Variants in SLC24A2 observed in about 807,000 individuals in gnomAD.
The protein encoded by SLC24A2 is solute carrier family 24 member 2.
In SLC24A2, 36 loss-of-function variants were observed where a neutral mutation model predicts 62.0. That is an observed-to-expected ratio of 0.58 (90% confidence interval 0.44 to 0.77). The LOEUF is 0.77. SLC24A2 is among the 30% of genes least tolerant of loss of function. SLC24A2 has a pLI of 0.00. For missense variants in SLC24A2, 846 were observed against 817.9 expected (o/e 1.03, Z -0.42); for synonymous variants, 358 against 294.0 (o/e 1.22, Z -2.23).
At chr9:19,663,377 G>A (rs1323647673) in intron 2 of SLC24A2, among the ~76,000 whole-genome samples, 4 of 152,186 alleles carry the variant, frequency 2.6e-5, no homozygotes, top group African/African-American at 9.7e-5. Flanking sequence ...TAGCTCAGGG[G>A]TAGTCTCTAT....
the SLC24A2 span, among the ~76,000 whole-genome samples, chr9:20,162,687 T>C: frequency 2.0e-5 from 3 of 151,940 alleles, no homozygotes; most frequent in African/African-American, 7.2e-5. Flanking sequence ...AAAAAGAGAA[T>C]TTTAGACCAA....
chr9:19,883,536 G>T, the SLC24A2 span, among the ~76,000 whole-genome samples: 16 of 151,500 alleles, frequency 1.1e-4, no homozygotes, highest in African/African-American at 3.4e-4. Flanking sequence ...TGGGGGCTCA[G>T]TCTCCTCATC....
At chr9:20,008,253 T>C in the SLC24A2 span, among the ~76,000 whole-genome samples, 3 of 151,976 alleles carry the variant, frequency 2.0e-5, no homozygotes, top group Non-Finnish European at 2.9e-5. Context: ...CCCTATCCAC[T>C]TGTGGGTCTC....
the SLC24A2 span, among the ~76,000 whole-genome samples, chr9:20,201,518 G>A: frequency 1.3e-5 from 2 of 152,182 alleles, no homozygotes; most frequent in Non-Finnish European, 2.9e-5. Flanking sequence ...AAGAAAGAAA[G>A]TGAGAGATTG....
chr9:19,543,610 C>A (rs1834393852), intron 8 of SLC24A2, among the ~76,000 whole-genome samples: 1 of 152,096 alleles, frequency 6.6e-6, no homozygotes, highest in Admixed American at 6.5e-5. Flanking sequence ...TAAATGTGTC[C>A]CAGAGATTGT....
At chr9:19,593,810 C>G (rs899677084) in intron 5 of SLC24A2, among the ~76,000 whole-genome samples, 1 of 152,170 alleles carries the variant, frequency 6.6e-6, no homozygotes, top group African/African-American at 2.4e-5. Flanking sequence ...CTTATCACCT[C>G]TGAGTCCCAG....
chr9:19,733,565 G>A (rs908493198), intron 2 of SLC24A2, among the ~76,000 whole-genome samples: 18 of 152,206 alleles, frequency 1.2e-4, no homozygotes, highest in Admixed American at 6.5e-5. Context: ...ATTTGCACAG[G>A]TGTTCAGGAA....
chr9:19,586,093 A>C (rs1836363380), intron 5 of SLC24A2, among the ~76,000 whole-genome samples: 1 of 152,132 alleles, frequency 6.6e-6, no homozygotes, highest in South Asian at 2.1e-4. Context: ...AACTTAAGGA[A>C]TTTGTCTTAT....
intron 2 of SLC24A2, among the ~76,000 whole-genome samples, chr9:19,779,347 T>C (rs1185144093): frequency 6.6e-6 from 1 of 152,140 alleles, no homozygotes; most frequent in African/African-American, 2.4e-5. Context: ...GCAAAAACCT[T>C]AAAAGTAGTA....
the SLC24A2 span, among the ~76,000 whole-genome samples, chr9:20,283,434 G>A: frequency 2.0e-5 from 3 of 152,124 alleles, no homozygotes. Context: ...GATCATCACT[G>A]TCCTCCTCCA....
the SLC24A2 span, among the ~76,000 whole-genome samples, chr9:20,125,202 T>G: frequency 6.6e-6 from 1 of 152,184 alleles, no homozygotes; most frequent in Non-Finnish European, 1.5e-5. Flanking sequence ...GAACTTACTA[T>G]CTAGGAGAAT....
intron 2 of SLC24A2, among the ~76,000 whole-genome samples, chr9:19,770,747 A>G (rs948729166): frequency 1.3e-5 from 2 of 152,226 alleles, no homozygotes; most frequent in Non-Finnish European, 2.9e-5. Context: ...TTGACCATTC[A>G]GTGAGTCAGT....
chr9:19,727,007 T>A (rs1263218474), intron 2 of SLC24A2, among the ~76,000 whole-genome samples: 1 of 152,200 alleles, frequency 6.6e-6, no homozygotes, highest in East Asian at 1.9e-4. Flanking sequence ...ATCCCAGATT[T>A]ATTGCTTGTT....
chr9:19,536,983 G>T, intron 8 of SLC24A2, among the ~76,000 whole-genome samples: 1 of 136,562 alleles, frequency 7.3e-6, no homozygotes, highest in Non-Finnish European at 1.6e-5. Flanking sequence ...TGTGTTTTTT[G>T]GCTGCATAAA....
intron 7 of SLC24A2, among the ~76,000 whole-genome samples, chr9:19,558,170 T>C (rs1835190907): frequency 6.6e-6 from 1 of 152,130 alleles, no homozygotes; most frequent in South Asian, 2.1e-4. Context: ...CTCAGAGTCA[T>C]ATAACATCCA....
intron 2 of SLC24A2, among the ~76,000 whole-genome samples, chr9:19,766,970 T>G (rs1329728560): frequency 6.6e-6 from 1 of 152,188 alleles, no homozygotes; most frequent in Non-Finnish European, 1.5e-5. Flanking sequence ...GGCTGCTACC[T>G]TTCTTTCAGT....
At chr9:19,708,145 C>G (rs560571840) in intron 2 of SLC24A2, among the ~76,000 whole-genome samples, 35 of 152,216 alleles carry the variant, frequency 2.3e-4, no homozygotes, top group African/African-American at 7.9e-4. Context: ...TGAGTGAACT[C>G]CCATTCACCA....
intron 4 of SLC24A2, among the ~76,000 whole-genome samples, chr9:19,609,984 C>A (rs1837102834): frequency 6.6e-6 from 1 of 152,204 alleles, no homozygotes; most frequent in Non-Finnish European, 1.5e-5. Flanking sequence ...ACTGGCTGCT[C>A]ACCTCCTGCT....
At chr9:19,848,290 T>C in the SLC24A2 span, among the ~76,000 whole-genome samples, 1 of 152,198 alleles carries the variant, frequency 6.6e-6, no homozygotes, top group Non-Finnish European at 1.5e-5. Flanking sequence ...GTTTAAATTG[T>C]AGATTTGCTG....
Sources: allele counts gnomAD v4.1 joint callset (sites outside exome capture counted in the v4.1 genomes callset), GRCh38; gene constraint gnomAD v4.1.1; transcripts MANE v1.5; gene names NCBI Gene and HGNC (gene_info 2026-07-23, HGNC 2026-07-21).